EFHD2: variants seen among roughly 807,000 people sequenced by gnomAD.
EFHD2 encodes the protein EF-hand domain family member D2.
A neutral mutation model predicts 20.3 loss-of-function variants in EFHD2; 12 were observed. That is an observed-to-expected ratio of 0.59 (90% CI 0.38 to 0.96). The LOEUF (loss-of-function observed/expected upper bound fraction) is 0.96, where lower values mean the gene tolerates loss of function less well. Among genes scored for constraint, EFHD2 ranks in the 40% least tolerant of loss-of-function variants. The pLI is 0.00. For synonymous variants in EFHD2, 131 were observed against 143.9 expected, an observed-to-expected ratio of 0.91 and a Z score of 0.64; for missense variants, 250 against 334.3, an observed-to-expected ratio of 0.75 and a Z score of 1.97.
intron 1 of EFHD2, among the ~76,000 whole-genome samples, chr1:15,418,415 C>T (rs1429110803): frequency 1.3e-5 from 2 of 149,008 alleles, no homozygotes; most frequent in Non-Finnish European, 3.0e-5. Flanking sequence ...ACGCCATTCT[C>T]CTGCCTCAGC....
Position 15,429,629 on chromosome 1 carries a change from CCTCCGAGAAGT to C in EFHD2, c.*906_*916del, listed in dbSNP as rs1467672132. The C allele has an allele frequency of 6.6e-6, 1 of 152,572 alleles. No homozygotes were observed. Among genetic ancestry groups the C allele is most frequent in the African/African-American group, 2.4e-5 (1 of 41,462 alleles). The allele number at this position is 152,572 out of a possible 1,614,324, so 9.5% of individuals were successfully genotyped here. A position where few individuals can be genotyped will look rare whatever the true frequency, so the allele number is the denominator to read the frequency against. ...CGCTTCGCCTTGATTCTCCGAGAAG[CCTCCGAGAAGT>C]GCTTTAAGTGTGTTTGCATGCGCCA... is the stretch of plus-strand genomic sequence containing the variant. On this transcript the variant is annotated 3_prime_UTR_variant, in exon 4 of 4. Coordinates refer to ENST00000375980, the MANE Select transcript of EFHD2 (RefSeq NM_024329.6).
chr1:15,413,501 C>T lies in EFHD2; in HGVS notation c.308+3222C>T, dbSNP rs765667593. ...CCTTCCAGGGCCTTCTGGTCCACCC[C>T]TCCGTGTTGATTCAGCAGGTACTTC... is the stretch of plus-strand genomic sequence containing the variant. On this transcript the variant is annotated intron_variant, in intron 1 of 3. Transcript: ENST00000375980. The surrounding 1 kb of genome is among the most constrained non-coding windows in gnomAD (Gnocchi z 4.4). Among the ~76,000 whole-genome samples, 2 of 152,170 alleles carry T rather than the reference C, an allele frequency of 1.3e-5. No homozygotes were observed. The highest frequency in any genetic ancestry group is 6.5e-5 in the Admixed American group (1 of 15,286).
intron 1 of EFHD2, among the ~76,000 whole-genome samples, chr1:15,425,024 G>A (rs1707850466): frequency 6.6e-6 from 1 of 152,154 alleles, no homozygotes; most frequent in Non-Finnish European, 1.5e-5. Context: ...CAATGCACAG[G>A]ACAGCCCCTA....
intron 1 of EFHD2, among the ~76,000 whole-genome samples, chr1:15,417,709 G>A (rs1004635108): frequency 6.6e-6 from 1 of 152,222 alleles, no homozygotes; most frequent in African/African-American, 2.4e-5. Flanking sequence ...TGGGGGTGGG[G>A]ACATGCAGGA....
chr1:15,426,321 A>G lies in EFHD2; in HGVS notation c.456+303A>G, dbSNP rs1707871860. On this transcript the variant is annotated intron_variant, in intron 2 of 3. Transcript: ENST00000375980. The surrounding 1 kb of genome is among the most constrained non-coding windows in gnomAD (Gnocchi z 4.6). ...CCTGTGCAGGCTCTGGGGTAGAGAA[A>G]GGCCCTGTGCTCGAAGGTTCCTGGA... Among the ~76,000 whole-genome samples the G allele has an allele frequency of 6.6e-6, 1 of 152,120 alleles. No individual in the cohort carries two copies. The highest frequency in any genetic ancestry group is 1.5e-5 in the Non-Finnish European group (1 of 68,014).
intron 1 of EFHD2, among the ~76,000 whole-genome samples, chr1:15,425,232 A>C (rs546178120): frequency 1.3e-5 from 2 of 152,164 alleles, no homozygotes; most frequent in African/African-American, 4.8e-5. Flanking sequence ...TGGTATTGAG[A>C]ATTCCTTCTC....
intron 1 of EFHD2, among the ~76,000 whole-genome samples, chr1:15,418,450 C>T (rs987090920): frequency 1.0e-4 from 15 of 150,384 alleles, no homozygotes; most frequent in Admixed American, 4.6e-4. Context: ...GGACTACAGG[C>T]GCCCACCATC....
At chr1:15,424,208 T>C (rs1186146700) in intron 1 of EFHD2, among the ~76,000 whole-genome samples, 1 of 150,082 alleles carries the variant, frequency 6.7e-6, no homozygotes, top group Non-Finnish European at 1.5e-5. Context: ...GAAAAACCCA[T>C]GTTACCAACT....
intron 1 of EFHD2, among the ~76,000 whole-genome samples, chr1:15,425,620 G>A (rs1206346714): frequency 6.6e-6 from 1 of 152,052 alleles, no homozygotes; most frequent in Admixed American, 6.6e-5. Flanking sequence ...CCTCAGGCTT[G>A]TCCAAAAGTT....
At chr1:15,417,414 G>C (rs1707691563) in intron 1 of EFHD2, among the ~76,000 whole-genome samples, 1 of 152,226 alleles carries the variant, frequency 6.6e-6, no homozygotes, top group African/African-American at 2.4e-5. Context: ...CTGGCAGGGA[G>C]TGCCGTGGGT....
rs1707936461 is a variant in EFHD2, at chr1:15,429,735, TC to T, written c.*1012del. ...TCCCCAAGTGACGTCCACTGCCTTG[TC>T]ACCAGCGACCTGCCTGTCATGCCCA... On this transcript the variant is annotated 3_prime_UTR_variant, in exon 4 of 4. Coordinates refer to ENST00000375980, the MANE Select transcript of EFHD2 (RefSeq NM_024329.6). 6.6e-6 allele frequency: 1 copy of T among 152,544 alleles called. No individual in the cohort carries two copies. The highest frequency in any genetic ancestry group is 2.4e-5 in the African/African-American group (1 of 41,364). 9.4% of individuals were successfully genotyped at this position (152,544 alleles called of 1,614,324 possible).
intron 1 of EFHD2, among the ~76,000 whole-genome samples, chr1:15,419,450 C>G (rs1368215496): frequency 6.6e-6 from 1 of 152,238 alleles, no homozygotes; most frequent in Non-Finnish European, 1.5e-5. Flanking sequence ...AAACAGGCAC[C>G]AAGCTGGGCT....
Position 15,413,774 on chromosome 1 carries a change from C to T in EFHD2, c.308+3495C>T, listed in dbSNP as rs1285172698. ...CCTTGTATGATGAGGAGAGTGGTCC[C>T]GGTGTCTCAGGGTGGGGCTCCGAGG... On this transcript the variant is annotated intron_variant, in intron 1 of 3. Transcript: ENST00000375980. This position sits in a 1 kb window ranked among gnomAD's most constrained non-coding sequence, Gnocchi z 4.4. Among the ~76,000 whole-genome samples, 2 of 152,170 alleles carry T rather than the reference C, an allele frequency of 1.3e-5. No homozygotes were observed. Among genetic ancestry groups the T allele is most frequent in the African/African-American group, 2.4e-5 (1 of 41,450 alleles).
chr1:15,419,464 A>T (rs377345434), intron 1 of EFHD2, among the ~76,000 whole-genome samples: 3 of 152,348 alleles, frequency 2.0e-5, no homozygotes, highest in African/African-American at 7.2e-5. Flanking sequence ...CTGGGCTCTC[A>T]GTCCAGCCTC....
chr1:15,425,680 G>A (rs572776452), intron 1 of EFHD2, among the ~76,000 whole-genome samples, 191 bp from the exon 2 acceptor site: 21 of 152,170 alleles, frequency 1.4e-4, no homozygotes, highest in African/African-American at 3.6e-4. Flanking sequence ...TGAGTTCCCC[G>A]TCATCAGAGG....
intron 1 of EFHD2, among the ~76,000 whole-genome samples, chr1:15,417,397 G>C (rs374802596): frequency 3.3e-4 from 50 of 152,270 alleles, no homozygotes; most frequent in African/African-American, 1.0e-3. Context: ...GAAGCGAAAG[G>C]GGGTGGCTGG....
chr1:15,418,382 T>G (rs1278310022), intron 1 of EFHD2, among the ~76,000 whole-genome samples: 10 of 139,688 alleles, frequency 7.2e-5, no homozygotes, highest in African/African-American at 2.5e-4. Context: ...CTCGGCTCAC[T>G]GCAAGCTCCG....
rs137902887 is a variant in EFHD2, at chr1:15,427,541, G to A, written c.591+257G>A. Among the ~76,000 whole-genome samples, 468 of 152,316 alleles carry A rather than the reference G, an allele frequency of 3.1e-3. 1 individual carries two copies. Among genetic ancestry groups the A allele is most frequent in the African/African-American group, 0.011 (447 of 41,578 alleles). ...AAGGGGACAGGGATTACCTTGAGGT[G>A]CCCTGGCCCTGGCACACAGAGCTGC... On this transcript the variant is annotated intron_variant, in intron 3 of 3. Coordinates refer to ENST00000375980, the MANE Select transcript of EFHD2 (RefSeq NM_024329.6).
At position 15,426,204 on chromosome 1, in the gene EFHD2, G is replaced by A. The variant is rs1707870579; in HGVS notation, c.456+186G>A. On this transcript the variant is annotated intron_variant, in intron 2 of 3. Coordinates refer to ENST00000375980, the MANE Select transcript of EFHD2 (RefSeq NM_024329.6). The surrounding 1 kb of genome is among the most constrained non-coding windows in gnomAD (Gnocchi z 4.6). ...GCCTGTTACAGCAGGCACCAGGGAGGGTTCTGAGATCCTCTCGGGGAGGAA... is the reference window on the plus strand; with the variant it reads ...GCCTGTTACAGCAGGCACCAGGGAGAGTTCTGAGATCCTCTCGGGGAGGAA... Among the ~76,000 whole-genome samples the A allele has an allele frequency of 6.6e-6, 1 of 152,184 alleles. No homozygotes were observed. The highest frequency in any genetic ancestry group is 2.4e-5 in the African/African-American group (1 of 41,456).
Sources: gnomAD v4.1 joint callset for allele counts (sites outside exome capture counted in the v4.1 genomes callset) on GRCh38, gnomAD v4.1.1 for gene constraint, Gnocchi (gnomAD v3.1) non-coding constraint, MANE v1.5 for transcripts, NCBI Gene and HGNC (gene_info 2026-07-23, HGNC 2026-07-21) for gene names.